CUTC: variants seen among roughly 807,000 people sequenced by gnomAD.
The protein encoded by CUTC is cutC copper transporter.
A neutral mutation model predicts 36.2 loss-of-function variants in CUTC; 27 were observed. The ratio of observed to expected loss-of-function variants is 0.75; its 90% CI spans 0.55 to 1.03. CUTC has a LOEUF of 1.03. CUTC is among the 50% of genes least tolerant of loss of function. The pLI, the probability that CUTC is intolerant of heterozygous loss-of-function variation, is 0.00. For missense variants in CUTC, 315 were observed against 343.5 expected, an observed-to-expected ratio of 0.92 and a Z score of 0.66; for synonymous variants, 114 against 118.3, an observed-to-expected ratio of 0.96 and a Z score of 0.24.
chr10:99,732,576 G>T, intron 1 of CUTC, 167 bp downstream of exon 1: 1 of 1,439,750 alleles, frequency 6.9e-7, no homozygotes, highest in Non-Finnish European at 9.1e-7. Flanking sequence ...GAAACGGAGG[G>T]CGTGACGAGG....
chr10:99,739,419 A>G (rs2037322082), intron 2 of CUTC, among the ~76,000 whole-genome samples: 1 of 152,230 alleles, frequency 6.6e-6, no homozygotes, highest in Non-Finnish European at 1.5e-5. Flanking sequence ...TTTAAGAAAC[A>G]TCTTTATTCT....
intron 5 of CUTC, among the ~76,000 whole-genome samples, 153 bp downstream of exon 5, chr10:99,744,225 G>A (rs2037362273): frequency 1.3e-5 from 2 of 152,196 alleles, no homozygotes; most frequent in Admixed American, 1.3e-4. Flanking sequence ...TAAAAGTAGA[G>A]ATGTGCAATT....
At chr10:99,739,463 A>G (rs2037322450) in intron 2 of CUTC, among the ~76,000 whole-genome samples, 1 of 152,236 alleles carries the variant, frequency 6.6e-6, no homozygotes, top group Admixed American at 6.5e-5. Context: ...AGGCAACCCT[A>G]TAATACAAAA....
At chr10:99,741,049 AT>A (rs1391917694) in intron 3 of CUTC, among the ~76,000 whole-genome samples, 1 of 152,182 alleles carries the variant, frequency 6.6e-6, no homozygotes, top group Non-Finnish European at 1.5e-5. Context: ...GGTTTGTTTC[AT>A]TTGATTTATC....
rs2037301599 is a variant in CUTC, at chr10:99,736,915, T to C, written c.133+598T>C. Reference sequence around the variant, plus strand: ...TGTGAAGAGCTGCATAGTATATATATTTTCAGCCTTGCTGGACACATTTGA... The same window carrying C: ...TGTGAAGAGCTGCATAGTATATATACTTTCAGCCTTGCTGGACACATTTGA... On this transcript the variant is annotated intron_variant, in intron 2 of 8. Transcript: ENST00000370476. Among the ~76,000 whole-genome samples the C allele has an allele frequency of 3.3e-5, 5 of 152,334 alleles. 1 individual carries two copies. The South Asian group carries it at 1.0e-3, about 32-fold the overall frequency.
intron 6 of CUTC, among the ~76,000 whole-genome samples, chr10:99,750,161 G>T (rs1335318938): frequency 6.6e-6 from 1 of 152,020 alleles, no homozygotes; most frequent in Non-Finnish European, 1.5e-5. Flanking sequence ...TTTTTGGAAA[G>T]ATAATTTTCT....
In CUTC at chr10:99,743,319, T is replaced by G. The variant is rs761272641; in HGVS notation, c.360T>G (p.Thr120=). The G allele has an allele frequency of 1.9e-6, 3 of 1,614,044 alleles. No homozygotes were observed. The African/African-American group carries it at 4.0e-5, about 22-fold the overall frequency. ...GADGLVFGAL[T]EDGHIDKELC... ...ATGGTTTGGTTTTTGGGGCATTGACTGAAGATGGACACATTGACAAAGAGC... is the reference window on the plus strand; with the variant it reads ...ATGGTTTGGTTTTTGGGGCATTGACGGAAGATGGACACATTGACAAAGAGC... The change falls in exon 4 of 9, where the codon ACT becomes ACG. Residue 120 remains threonine (T), a synonymous_variant. Transcript: ENST00000370476.
At chr10:99,750,106 G>A (rs926606692) in intron 6 of CUTC, among the ~76,000 whole-genome samples, 1 of 152,120 alleles carries the variant, frequency 6.6e-6, no homozygotes, top group Middle Eastern at 3.4e-3. Flanking sequence ...ATCTTAATAG[G>A]TGAAGGGGAA....
intron 2 of CUTC, among the ~76,000 whole-genome samples, chr10:99,738,463 G>C (rs979177787): frequency 3.4e-5 from 5 of 148,970 alleles, no homozygotes; most frequent in African/African-American, 1.2e-4. Flanking sequence ...CATTTCATTT[G>C]TTTTATATGC....
chr10:99,748,358 A>G (rs2037394353), intron 6 of CUTC, among the ~76,000 whole-genome samples: 1 of 152,200 alleles, frequency 6.6e-6, no homozygotes, highest in Admixed American at 6.5e-5. Context: ...TCCTGTGTAG[A>G]CATCTGCTTA....
rs941171808 is a variant in CUTC at position 99,752,636 on chromosome 10, A to G, written c.602-1893A>G. Among the ~76,000 whole-genome samples the G allele has an allele frequency of 9.8e-5, 15 of 152,298 alleles. No individual in the cohort carries two copies. In the South Asian group the frequency reaches 1.5e-3, roughly 15 times the overall value. On this transcript the variant is annotated intron_variant, in intron 7 of 8. Transcript: ENST00000370476. Reference sequence around the variant, plus strand: ...TAAGAGTACCTTTGTTTAATATGCAATTGTTATCAGCTGTGTGCAAGGCAT... The same window carrying G: ...TAAGAGTACCTTTGTTTAATATGCAGTTGTTATCAGCTGTGTGCAAGGCAT...
chr10:99,750,648 A>C (rs2037409022), intron 7 of CUTC, among the ~76,000 whole-genome samples: 3 of 152,192 alleles, frequency 2.0e-5, no homozygotes, highest in Admixed American at 1.3e-4. Flanking sequence ...AAGCAGATAG[A>C]GATTGAGGTT....
rs777221220 is a variant in CUTC, at chr10:99,750,359, C to A, written c.574-10C>A. The A allele has an allele frequency of 1.2e-5, 18 of 1,513,988 alleles. No homozygotes were observed. Among genetic ancestry groups the A allele is most frequent in the Non-Finnish European group, 1.5e-5 (17 of 1,131,310 alleles). The allele number at this position is 1,513,988 out of a possible 1,614,324, so 93.8% of individuals were successfully genotyped here. On this transcript the variant is annotated splice_polypyrimidine_tract_variant and intron_variant, in intron 6 of 8. Transcript: ENST00000370476. ...TTAAAATTCACTTGTTTTTTTTTTT[C>A]TTTTTTCAGGCAAAAGGCAGGATTG...
chr10:99,754,355 A>G (rs1187651434), intron 7 of CUTC, among the ~76,000 whole-genome samples, 174 bp from the exon 8 acceptor site: 2 of 152,208 alleles, frequency 1.3e-5, no homozygotes, highest in African/African-American at 4.8e-5. Flanking sequence ...TCTGTAGCCT[A>G]TATATCTTTT....
intron 1 of CUTC, among the ~76,000 whole-genome samples, chr10:99,735,431 A>G (rs1953594320): frequency 6.6e-6 from 1 of 152,162 alleles, no homozygotes; most frequent in African/African-American, 2.4e-5. Context: ...GGAATGAGAC[A>G]GAGTATCACT....
chr10:99,745,891 C>T (rs1246671107), intron 5 of CUTC, among the ~76,000 whole-genome samples: 4 of 152,184 alleles, frequency 2.6e-5, no homozygotes, highest in African/African-American at 7.2e-5. Context: ...AGTGAAACTT[C>T]ATATAGTCTG....
chr10:99,744,582 G>A (rs1022835177), intron 5 of CUTC, among the ~76,000 whole-genome samples: 5 of 152,106 alleles, frequency 3.3e-5, no homozygotes, highest in African/African-American at 1.2e-4. Context: ...TATTAGGAAG[G>A]GAGAAAGGAG....
intron 8 of CUTC, 116 bp from the exon 9 acceptor site, chr10:99,755,509 C>A: frequency 3.2e-6 from 2 of 625,824 alleles, no homozygotes; most frequent in Admixed American, 2.6e-5. Flanking sequence ...ATGGAATATA[C>A]TAGTCCAGCA....
At position 99,755,868 on chromosome 10, in the gene CUTC, G is replaced by A. The variant is rs2037453563; in HGVS notation, c.*129G>A. 1 of 600,506 alleles carries A rather than the reference G, an allele frequency of 1.7e-6. No individual in the cohort carries two copies. Among genetic ancestry groups the A allele is most frequent in the African/African-American group, 1.9e-5 (1 of 53,396 alleles). 37.2% of individuals were successfully genotyped at this position (600,506 alleles called of 1,614,324 possible). On this transcript the variant is annotated 3_prime_UTR_variant, in exon 9 of 9. Transcript: ENST00000370476. Reference sequence around the variant, plus strand: ...GCAATCTTTGTTTTAAGTTTCACATGGCCATGGAGAATGTGCCCAAGAAGA... The same window carrying A: ...GCAATCTTTGTTTTAAGTTTCACATAGCCATGGAGAATGTGCCCAAGAAGA...
Sources: allele counts gnomAD v4.1 joint callset (sites outside exome capture counted in the v4.1 genomes callset), GRCh38; gene constraint gnomAD v4.1.1; transcripts MANE v1.5; gene names NCBI Gene and HGNC (gene_info 2026-07-23, HGNC 2026-07-21).